PLXND1: variants seen among roughly 807,000 people sequenced by gnomAD.
The protein encoded by PLXND1 is plexin-D1.
A neutral mutation model predicts 197.7 loss-of-function variants in PLXND1; 54 were observed. The ratio of observed to expected loss-of-function variants is 0.27; its 90% CI spans 0.22 to 0.34. PLXND1 has a LOEUF of 0.34. PLXND1 is among the 10% of genes least tolerant of loss of function. The probability of loss-of-function intolerance (pLI) is 1.00; values close to 1 mark genes in which losing one functional copy is unlikely to be tolerated. For missense variants in PLXND1, 2,127 were observed against 2,699.2 expected (o/e 0.79, Z 4.70); for synonymous variants, 1,180 against 1,161.2 (o/e 1.02, Z -0.33).
At chr3:129,586,925 C>T (rs1413298830) in intron 2 of PLXND1, among the ~76,000 whole-genome samples, 1 of 152,214 alleles carries the variant, frequency 6.6e-6, no homozygotes, top group Admixed American at 6.5e-5. Context: ...CCAGGAGCTC[C>T]TTCTGGGCTC....
intron 8 of PLXND1, among the ~76,000 whole-genome samples, chr3:129,578,762 T>G (rs2085348765): frequency 1.3e-5 from 2 of 152,138 alleles, no homozygotes; most frequent in African/African-American, 4.8e-5. Context: ...GCCCAGCTCC[T>G]CCCTGTCTCT....
chr3:129,582,507 C>A (rs981555006), intron 8 of PLXND1, among the ~76,000 whole-genome samples: 3 of 152,206 alleles, frequency 2.0e-5, no homozygotes, highest in African/African-American at 7.2e-5. Flanking sequence ...AAGGCTGGTG[C>A]CCTACCCCAG....
At chr3:129,599,874 C>A (rs2085682300) in intron 1 of PLXND1, among the ~76,000 whole-genome samples, 1 of 152,212 alleles carries the variant, frequency 6.6e-6, no homozygotes, top group Admixed American at 6.5e-5. Flanking sequence ...CGGATCCAGA[C>A]CCTCACTCCC....
chr3:129,560,272 G>C, intron 31 of PLXND1, 58 bp downstream of exon 31: 1 of 1,106,268 alleles, frequency 9.0e-7, no homozygotes, highest in Non-Finnish European at 1.4e-6. Context: ...TGACCCTCTG[G>C]AGCTGGGGCT....
Position 129,605,431 on chromosome 3 carries a change from C to T in PLXND1, c.1209G>A (p.Ala403=). ...CCGGTTCCACGAAGCAGGCGGTGCGCGCAGCTCGGATGGCGGCTCGCACGT... is the reference window on the plus strand; with the variant it reads ...CCGGTTCCACGAAGCAGGCGGTGCGTGCAGCTCGGATGGCGGCTCGCACGT... ...FADVRAAIRA[A]RTACFVEPAP... Residue 403 remains alanine (A), a synonymous_variant, in exon 1 of 36, where the codon GCG becomes GCA. Coordinates refer to ENST00000324093, the MANE Select transcript of PLXND1 (RefSeq NM_015103.3). 1 of 1,503,374 alleles carries T rather than the reference C, an allele frequency of 6.7e-7. No individual in the cohort carries two copies. The highest frequency in any genetic ancestry group is 8.8e-7 in the Non-Finnish European group (1 of 1,133,658). The allele number at this position is 1,503,374 out of a possible 1,614,324, so 93.1% of individuals were successfully genotyped here. A position where few individuals can be genotyped will look rare whatever the true frequency, so the allele number is the denominator to read the frequency against.
chr3:129,565,726 C>A (rs1212083308), intron 24 of PLXND1, among the ~76,000 whole-genome samples, 161 bp downstream of exon 24: 1 of 152,170 alleles, frequency 6.6e-6, no homozygotes, highest in Non-Finnish European at 1.5e-5. Context: ...TCCACAGCAA[C>A]CATCGTGCCC....
intron 7 of PLXND1, 138 bp from the exon 8 acceptor site, chr3:129,583,807 G>A (rs975601723): frequency 3.1e-6 from 2 of 636,394 alleles, no homozygotes; most frequent in African/African-American, 3.7e-5. Flanking sequence ...GGAAAGATTG[G>A]GTCTTTAAGG....
rs1253576139 is a variant in PLXND1, at chr3:129,606,124, GGGCTCGGCGGGC to G, written c.504_515del (p.Pro169_Pro172del). 7.9e-6 allele frequency: 12 copies of G among 1,510,058 alleles called. No homozygotes were observed. Among genetic ancestry groups the G allele is most frequent in the Admixed American group, 2.1e-5 (1 of 47,540 alleles). The allele number at this position is 1,510,058 out of a possible 1,614,324, so 93.5% of individuals were successfully genotyped here. ...TCAGCATGCTGGGGAACACCGTGAC[GGGCTCGGCGGGC>G]GGCGCGGCGGGCGGGAAGCGCACGG... On this transcript the variant is annotated inframe_deletion, in exon 1 of 36. Transcript: ENST00000324093.
At chr3:129,587,890 T>C (rs2085483572) in intron 2 of PLXND1, among the ~76,000 whole-genome samples, 1 of 152,246 alleles carries the variant, frequency 6.6e-6, no homozygotes, top group Admixed American at 6.5e-5. Context: ...CAGGCTTCCA[T>C]GGGCTTTGTC....
chr3:129,596,862 C>T (rs1368389612), intron 1 of PLXND1, among the ~76,000 whole-genome samples: 3 of 152,162 alleles, frequency 2.0e-5, no homozygotes, highest in Admixed American at 1.3e-4. Flanking sequence ...GACAGGGCTG[C>T]TTGGAGCCTT....
At chr3:129,576,429 C>T (rs935698300) in intron 9 of PLXND1, among the ~76,000 whole-genome samples, 25 of 152,246 alleles carry the variant, frequency 1.6e-4, no homozygotes, top group African/African-American at 6.0e-4. Context: ...TCACTTGATC[C>T]TCATTCATTC....
At chr3:129,580,369 C>T (rs534234050) in intron 8 of PLXND1, among the ~76,000 whole-genome samples, 2,180 of 152,298 alleles carry the variant, frequency 0.014, 32 homozygotes, top group Non-Finnish European at 0.017. Flanking sequence ...GCGGCGGGCC[C>T]CCTGCAGACC....
intron 34 of PLXND1, 78 bp from the exon 35 acceptor site, chr3:129,556,769 C>A: frequency 9.6e-7 from 1 of 1,036,552 alleles, no homozygotes; most frequent in Non-Finnish European, 1.5e-6. Flanking sequence ...CAGCTGCTTG[C>A]ACACAATCCC....
chr3:129,572,494 C>T lies in PLXND1; in HGVS notation c.3077+115G>A, dbSNP rs145096031. The T allele has an allele frequency of 4.6e-4, 413 of 894,290 alleles. 2 individuals carry two copies. The Middle Eastern group carries it at 5.7e-3, about 12-fold the overall frequency. 55.4% of individuals were successfully genotyped at this position (894,290 alleles called of 1,614,324 possible). On this transcript the variant is annotated intron_variant, in intron 15 of 35. Coordinates refer to ENST00000324093, the MANE Select transcript of PLXND1 (RefSeq NM_015103.3). The stretch of plus-strand genomic sequence containing the variant: ...GAGAAGGGGCTTGGCTTAGGGGACA[C>T]AGCCAATGAAGACCCAAGAGAGGCT...
chr3:129,566,801 A>G (rs551173136), intron 22 of PLXND1, among the ~76,000 whole-genome samples, 170 bp from the exon 23 acceptor site: 1 of 152,302 alleles, frequency 6.6e-6, no homozygotes, highest in South Asian at 2.1e-4. Context: ...GGGCTGTGGA[A>G]TTCCAGGGGT....
chr3:129,564,135 G>A (rs558958882), intron 25 of PLXND1, among the ~76,000 whole-genome samples: 1 of 152,322 alleles, frequency 6.6e-6, no homozygotes, highest in South Asian at 2.1e-4. Context: ...CGCAGAAGGC[G>A]GAGGCACCCC....
intron 8 of PLXND1, among the ~76,000 whole-genome samples, chr3:129,583,031 G>A (rs2811464): frequency 0.2 from 29,695 of 152,140 alleles, 3,149 homozygotes; most frequent in East Asian, 0.38. Flanking sequence ...ACCCAGGCAG[G>A]GCCCTTTCCA....
Position 129,606,630 on chromosome 3 carries a change from G to T in PLXND1, c.10C>A (p.Arg4Ser). MAP[R>S]AAGGAPLSAR... ...CTAAGGGGTGCGCCGCCCGCGGCGC[G>T]AGGAGCCATCCGGGCGTGCGCGGGC... The change falls in exon 1 of 36, where the codon CGC (arginine) becomes AGC (serine). Residue 4 changes from arginine to serine, a missense_variant. Arg to Ser is a moderately radical substitution (Grantham distance 110). Around this residue, in one of 6 missense-constraint regions of PLXND1, gnomAD observed 245 missense variants for 267.1 expected, o/e 0.92. Transcript: ENST00000324093. 3 of 1,113,036 alleles carry T rather than the reference G, an allele frequency of 2.7e-6. No homozygotes were observed. Among genetic ancestry groups the T allele is most frequent in the Non-Finnish European group, 3.3e-6 (3 of 913,402 alleles). 68.9% of individuals were successfully genotyped at this position (1,113,036 alleles called of 1,614,324 possible). A position where few individuals can be genotyped will look rare whatever the true frequency, so the allele number is the denominator to read the frequency against.
intron 8 of PLXND1, among the ~76,000 whole-genome samples, chr3:129,578,738 A>G (rs1042883818): frequency 6.6e-6 from 1 of 152,130 alleles, no homozygotes; most frequent in African/African-American, 2.4e-5. Flanking sequence ...CGAGGCTGGG[A>G]GGCTGAACTC....
Sources: gnomAD v4.1 joint callset for allele counts (sites outside exome capture counted in the v4.1 genomes callset) on GRCh38, gnomAD v4.1.1 for gene constraint, gnomAD v4.1.1 regional missense constraint, MANE v1.5 for transcripts, NCBI Gene and HGNC (gene_info 2026-07-23, HGNC 2026-07-21) for gene names.